Variants in CFAP46 observed in about 807,000 individuals in gnomAD.
CFAP46 encodes cilia and flagella associated protein 46.
A neutral mutation model predicts 325.7 loss-of-function variants in CFAP46; 245 were observed. The observed-to-expected ratio is 0.75, with a 90% confidence interval of 0.68 to 0.84. The LOEUF is 0.84. Among genes scored for constraint, CFAP46 ranks in the 40% least tolerant of loss-of-function variants. CFAP46 has a pLI of 0.00. For missense variants in CFAP46, 3,346 were observed against 3,543.0 expected (o/e 0.94, Z 1.41); for synonymous variants, 1,523 against 1,495.9 (o/e 1.02, Z -0.42).
Position 132,832,269 on chromosome 10 carries a change from G to A in CFAP46, c.7117+1089C>T, listed in dbSNP as rs1848158028. Reference sequence around the variant, plus strand: ...CCTGCTGAGGGCTCTGCAGATCTCGGAGTGGCCGTTCCTTGCAGCTCTCTC... The same window carrying A: ...CCTGCTGAGGGCTCTGCAGATCTCGAAGTGGCCGTTCCTTGCAGCTCTCTC... On this transcript the variant is annotated intron_variant, in intron 50 of 57. Coordinates refer to ENST00000368586, the MANE Select transcript of CFAP46 (RefSeq NM_001200049.3). The surrounding 1 kb of genome is among the most constrained non-coding windows in gnomAD (Gnocchi z 4.1). Among the ~76,000 whole-genome samples the A allele has an allele frequency of 6.6e-6, 1 of 152,074 alleles. No individual in the cohort carries two copies. Among genetic ancestry groups the A allele is most frequent in the African/African-American group, 2.4e-5 (1 of 41,394 alleles).
At position 132,939,816 on chromosome 10, in the gene CFAP46, T is replaced by G. The variant is rs967373411; in HGVS notation, c.372-1063A>C. 1.7e-4 allele frequency among the ~76,000 whole-genome samples: 26 copies of G among 152,258 alleles called. No homozygotes were observed. The highest frequency in any genetic ancestry group is 6.3e-4 in the African/African-American group (26 of 41,560). ...CCCGTCTCCTCCCTGTAAGTGGCTC[T>G]CCCCAAATTCCCACTGTGGCCTCCA... On this transcript the variant is annotated intron_variant, in intron 4 of 57. Coordinates refer to ENST00000368586, the MANE Select transcript of CFAP46 (RefSeq NM_001200049.3). The surrounding 1 kb of genome is among the most constrained non-coding windows in gnomAD (Gnocchi z 4.6).
chr10:132,898,855 A>C (rs1343646822), intron 24 of CFAP46, 104 bp downstream of exon 24: 1 of 1,413,824 alleles, frequency 7.1e-7, no homozygotes, highest in Admixed American at 2.0e-5. Flanking sequence ...ACCCTCTGGG[A>C]GGCCTGTGGG....
At position 132,879,730 on chromosome 10, in the gene CFAP46, G is replaced by A. The variant is rs1040103745; in HGVS notation, c.3800-99C>T. On this transcript the variant is annotated intron_variant, in intron 28 of 57. Transcript: ENST00000368586. ...TGCCCGAGGCTGTGGTGGACTGCCCGGTGCCTCGCGGACACCCGGTGCTCC... is the reference window on the plus strand; with the variant it reads ...TGCCCGAGGCTGTGGTGGACTGCCCAGTGCCTCGCGGACACCCGGTGCTCC... 32 of 1,223,362 alleles carry A rather than the reference G, an allele frequency of 2.6e-5. 1 individual carries two copies. Among genetic ancestry groups the A allele is most frequent in the South Asian group, 6.7e-5 (4 of 60,054 alleles). 75.8% of individuals were successfully genotyped at this position (1,223,362 alleles called of 1,614,324 possible). A position where few individuals can be genotyped will look rare whatever the true frequency, so the allele number is the denominator to read the frequency against.
rs757905181 is a variant in CFAP46, at chr10:132,834,639, C to T, written c.6866+15G>A. ...GAGCGTGGTGGGGTGCCAGCCTCAACGTCATCCCCAGTACCTGGCCTTGGA... is the reference window on the plus strand; with the variant it reads ...GAGCGTGGTGGGGTGCCAGCCTCAATGTCATCCCCAGTACCTGGCCTTGGA... On this transcript the variant is annotated intron_variant, in intron 48 of 57. Transcript: ENST00000368586. The T allele has an allele frequency of 8.1e-6, 13 of 1,612,368 alleles. No homozygotes were observed. The highest frequency in any genetic ancestry group is 1.7e-4 in the Middle Eastern group (1 of 6,034).
chr10:132,936,916 C>G, intron 7 of CFAP46, 45 bp downstream of exon 7: 1 of 1,228,060 alleles, frequency 8.1e-7, no homozygotes, highest in South Asian at 1.8e-5. Context: ...CCAAGCCCAG[C>G]ACTTGTGAAA....
chr10:132,878,450 G>T (rs905653203), intron 29 of CFAP46, among the ~76,000 whole-genome samples: 1 of 152,162 alleles, frequency 6.6e-6, no homozygotes, highest in African/African-American at 2.4e-5. Flanking sequence ...ACCCAGGCAG[G>T]GAGGACGCTA....
intron 50 of CFAP46, among the ~76,000 whole-genome samples, chr10:132,821,542 G>A (rs1342856092): frequency 7.4e-6 from 1 of 134,246 alleles, no homozygotes; most frequent in Non-Finnish European, 1.5e-5. Context: ...GTGCTGATGT[G>A]TGCTGTGTGC....
chr10:132,933,280 G>A (rs918608496), intron 8 of CFAP46, among the ~76,000 whole-genome samples: 3 of 152,196 alleles, frequency 2.0e-5, no homozygotes, highest in Admixed American at 1.3e-4. Context: ...TGGCCTCTCC[G>A]TCCTACCTGA....
At chr10:132,929,629 C>T (rs1849861699) in intron 9 of CFAP46, 76 bp downstream of exon 9, 1 of 1,398,124 alleles carries the variant, frequency 7.2e-7, no homozygotes, top group African/African-American at 1.4e-5. Flanking sequence ...AACTGCTCTT[C>T]CTTTCTTTGC....
In CFAP46 at chr10:132,886,692, A is replaced by C. The variant is rs1190293908; in HGVS notation, c.3305-733T>G. Among the ~76,000 whole-genome samples the C allele has an allele frequency of 6.6e-6, 1 of 152,172 alleles. No homozygotes were observed. Among genetic ancestry groups the C allele is most frequent in the African/African-American group, 2.4e-5 (1 of 41,430 alleles). On this transcript the variant is annotated intron_variant, in intron 25 of 57. Coordinates refer to ENST00000368586, the MANE Select transcript of CFAP46 (RefSeq NM_001200049.3). This position sits in a 1 kb window ranked among gnomAD's most constrained non-coding sequence, Gnocchi z 5.8. ...CACATCCCCAGTGAGCACAGAACCC[A>C]GCCCACTCTGCCACCTTCCGGCCAA...
At chr10:132,814,535 G>C (rs753613421) in intron 53 of CFAP46, 42 bp downstream of exon 53, 2 of 1,548,996 alleles carry the variant, frequency 1.3e-6, no homozygotes, top group South Asian at 2.4e-5. Flanking sequence ...GGAGGCCCGA[G>C]GCTGGCGTGT....
intron 4 of CFAP46, among the ~76,000 whole-genome samples, chr10:132,940,575 CAG>C (rs1047471195): frequency 2.0e-5 from 3 of 151,774 alleles, no homozygotes; most frequent in African/African-American, 4.8e-5. Context: ...CTGGAGAAAA[CAG>C]ACTCTTTTTT....
intron 24 of CFAP46, among the ~76,000 whole-genome samples, chr10:132,895,212 C>T (rs941304968): frequency 1.1e-4 from 16 of 152,162 alleles, no homozygotes; most frequent in Admixed American, 9.2e-4. Context: ...GGAGAAAAAC[C>T]ACACAACCGG....
intron 4 of CFAP46, among the ~76,000 whole-genome samples, chr10:132,940,659 C>A (rs1166917928): frequency 6.6e-6 from 1 of 152,094 alleles, no homozygotes; most frequent in Non-Finnish European, 1.5e-5. Context: ...CTCACTGCAA[C>A]CTCCGCCTCC....
chr10:132,887,346 TC>T (rs1233118480), intron 25 of CFAP46, among the ~76,000 whole-genome samples: 1 of 66,878 alleles, frequency 1.5e-5, no homozygotes, highest in Non-Finnish European at 2.7e-5. Flanking sequence ...CTCTCTCCTC[TC>T]CTCTCCTCCC....
rs1280907930 is a variant in CFAP46, at chr10:132,878,020, A to G, written c.4073T>C (p.Leu1358Pro). The G allele has an allele frequency of 1.3e-6, 2 of 1,545,210 alleles. No homozygotes were observed. The highest frequency in any genetic ancestry group is 1.4e-5 in the African/African-American group (1 of 72,962). Residue 1358 changes from leucine to proline, a missense_variant, in exon 30 of 58, where the codon CTG becomes CCG. Transcript: ENST00000368586. ...NRPLAATSSH[L>P]LLPKKEKENE... ...CTCCTTCTCTTTTTTAGGCAATAAC[A>G]GATGTGAGCTGGTTGCTGCCAGGGG...
At chr10:132,906,330 C>T (rs1023018738) in intron 22 of CFAP46, among the ~76,000 whole-genome samples, 2 of 152,388 alleles carry the variant, frequency 1.3e-5, no homozygotes, top group South Asian at 2.1e-4. Context: ...GGGTTCAGTC[C>T]CAGCTCTGCC....
In CFAP46 at chr10:132,886,084, C is replaced by T; in HGVS notation, c.3305-125G>A. The T allele has an allele frequency of 7.6e-7, 1 of 1,310,350 alleles. No individual in the cohort carries two copies. The highest frequency in any genetic ancestry group is 1.4e-5 in the South Asian group (1 of 70,058). The allele number at this position is 1,310,350 out of a possible 1,614,324, so 81.2% of individuals were successfully genotyped here. On this transcript the variant is annotated intron_variant, in intron 25 of 57. Coordinates refer to ENST00000368586, the MANE Select transcript of CFAP46 (RefSeq NM_001200049.3). This position sits in a 1 kb window ranked among gnomAD's most constrained non-coding sequence, Gnocchi z 5.8. ...GGTGGAACCGCGGCTACAGAGGTGCCCAGGCCAGCGCATGCCCCGCAGGGC... is the reference window on the plus strand; with the variant it reads ...GGTGGAACCGCGGCTACAGAGGTGCTCAGGCCAGCGCATGCCCCGCAGGGC...
At chr10:132,824,816 T>C (rs375971572) in intron 50 of CFAP46, among the ~76,000 whole-genome samples, 773 of 117,080 alleles carry the variant, frequency 6.6e-3, no homozygotes, top group Admixed American at 0.012. Context: ...CGCTGATGTG[T>C]GCTGTCTGTG....
Sources: gnomAD v4.1 joint callset for allele counts (sites outside exome capture counted in the v4.1 genomes callset) on GRCh38, gnomAD v4.1.1 for gene constraint, Gnocchi (gnomAD v3.1) non-coding constraint, MANE v1.5 for transcripts, NCBI Gene and HGNC (gene_info 2026-07-23, HGNC 2026-07-21) for gene names.